Variants in FABP3 observed in about 807,000 individuals in gnomAD.
FABP3 encodes the protein fatty acid binding protein 3.
A neutral mutation model predicts 13.4 loss-of-function variants in FABP3; 8 were observed. The observed-to-expected ratio is 0.60, with a 90% CI of 0.35 to 1.07. The LOEUF (loss-of-function observed/expected upper bound fraction) is 1.07. Among genes scored for constraint, FABP3 ranks in the 50% least tolerant of loss-of-function variants. The pLI is 0.02. For synonymous variants in FABP3, 64 were observed against 60.0 expected, an observed-to-expected ratio of 1.07 and a Z score of -0.31; for missense variants, 135 against 164.7, an observed-to-expected ratio of 0.82 and a Z score of 0.99.
chr1:31,365,700 C>T lies in FABP3; in HGVS notation c.*186G>A. ...TTGACCTCAGAGCACCCTATGAGTG[C>T]AGTTAAAAAAAAAAAAAAAAAACCA... On this transcript the variant is annotated 3_prime_UTR_variant, in exon 4 of 4. Coordinates refer to ENST00000373713, the MANE Select transcript of FABP3 (RefSeq NM_004102.5). The T allele has an allele frequency of 1.9e-6, 1 of 518,224 alleles. No individual in the cohort carries two copies. The highest frequency in any genetic ancestry group is 3.3e-6 in the Non-Finnish European group (1 of 300,182). The allele number at this position is 518,224 out of a possible 1,614,324, so 32.1% of individuals were successfully genotyped here. A position where few individuals can be genotyped will look rare whatever the true frequency, so the allele number is the denominator to read the frequency against.
chr1:31,372,801 T>A, intron 1 of FABP3, 141 bp downstream of exon 1: 2 of 784,312 alleles, frequency 2.6e-6, no homozygotes, highest in Middle Eastern at 2.6e-4. Context: ...AGGCCCCACC[T>A]GCTCTAGGCC....
chr1:31,366,044 T>G, intron 3 of FABP3, 105 bp from the exon 4 acceptor site: 1 of 942,780 alleles, frequency 1.1e-6, no homozygotes, highest in South Asian at 1.4e-5. Context: ...ACCTACTATG[T>G]GCCGGCTATA....
intron 1 of FABP3, 26 bp from the exon 2 acceptor site, chr1:31,369,583 T>G: frequency 6.2e-7 from 1 of 1,612,030 alleles, no homozygotes; most frequent in Non-Finnish European, 8.5e-7. Flanking sequence ...AGGTTATGAG[T>G]ATATGAGCTG....
downstream of FABP3, among the ~76,000 whole-genome samples, chr1:31,363,104 TCTTTTA>T (rs1639981607): frequency 6.6e-6 from 1 of 152,184 alleles, no homozygotes; most frequent in South Asian, 2.1e-4. Flanking sequence ...ATGTCTTGGT[TCTTTTA>T]CTTAACATGT....
Position 31,367,459 on chromosome 1 carries a change from G to T in FABP3, c.282C>A (p.His94Gln). ...IVTLDGGKLV[H>Q]LQKWDGQETT... ...TCTCTTGCCCGTCCCATTTCTGCAG[G>T]TGAACAAGTTTCCCTCCATCCAGTG... Residue 94 changes from histidine to glutamine, a missense_variant, in exon 3 of 4, where the codon CAC becomes CAA. Coordinates refer to ENST00000373713, the MANE Select transcript of FABP3 (RefSeq NM_004102.5). The T allele has an allele frequency of 6.2e-7, 1 of 1,614,208 alleles. No individual in the cohort carries two copies. The highest frequency in any genetic ancestry group is 8.5e-7 in the Non-Finnish European group (1 of 1,180,032).
At chr1:31,372,445 CT>C (rs1181958883) in intron 1 of FABP3, among the ~76,000 whole-genome samples, 1 of 152,172 alleles carries the variant, frequency 6.6e-6, no homozygotes, top group Non-Finnish European at 1.5e-5. Flanking sequence ...AGGTTCCTGT[CT>C]TACGTCCTTC....
rs748434286 is a variant in FABP3 at position 31,365,890 on chromosome 1, G to A, written c.398C>T (p.Ala133Val). 1.1e-5 allele frequency: 17 copies of A among 1,613,948 alleles called. No homozygotes were observed. The highest frequency in any genetic ancestry group is 1.4e-5 in the Non-Finnish European group (17 of 1,179,930). ...AVCTRTYEKE[A>V] ...GTCAGCAACAGTGCAGTCAGGTCAT[G>A]CCTCTTTCTCATAAGTGCGAGTGCA... is the stretch of plus-strand genomic sequence containing the variant. Residue 133 changes from alanine (A) to valine (V), a missense_variant, in exon 4 of 4, where the codon GCA becomes GTA. Physicochemically the swap from Ala to Val is moderately conservative, Grantham distance 64 (BLOSUM62 0). Coordinates refer to ENST00000373713, the MANE Select transcript of FABP3 (RefSeq NM_004102.5).
downstream of FABP3, among the ~76,000 whole-genome samples, chr1:31,362,494 G>A (rs1362980820): frequency 6.6e-6 from 1 of 152,166 alleles, no homozygotes; most frequent in Non-Finnish European, 1.5e-5. Context: ...TCTGCCTCTC[G>A]TCTTTTGTAT....
intron 3 of FABP3, among the ~76,000 whole-genome samples, chr1:31,366,321 AC>A (rs1640112825): frequency 6.6e-6 from 1 of 152,064 alleles, no homozygotes; most frequent in Non-Finnish European, 1.5e-5. Flanking sequence ...ATATCCAGAG[AC>A]TCAGGAAAGG....
At chr1:31,369,842 TCA>T (rs1273903496) in intron 1 of FABP3, among the ~76,000 whole-genome samples, 1 of 152,190 alleles carries the variant, frequency 6.6e-6, no homozygotes, top group East Asian at 1.9e-4. Flanking sequence ...GTGTGGTGGC[TCA>T]CGCCTGTAAT....
At chr1:31,360,165 G>GTGTTTTGTTTTGTTT in the FABP3 span, among the ~76,000 whole-genome samples, 5 of 150,436 alleles carry the variant, frequency 3.3e-5, no homozygotes, top group African/African-American at 9.8e-5. Context: ...TTGTGTGTGC[G>GTGTTTTGTTTTGTTT]TGTTTTGTTT....
rs1261804602 is a variant in FABP3, at chr1:31,367,490, A to G, written c.251T>C (p.Ile84Thr). 8 of 1,613,004 alleles carry G rather than the reference A, an allele frequency of 5.0e-6. No individual in the cohort carries two copies. The highest frequency in any genetic ancestry group is 1.1e-5 in the South Asian group (1 of 91,052). The part of the protein sequence containing the change: ...TTADDRKVKS[I>T]VTLDGGKLVH... ...AAGTTTCCCTCCATCCAGTGTCACA[A>G]TGGACTGTGGAAAGAGGGTAGAGGC... Residue 84 changes from isoleucine (I) to threonine (T), a missense_variant, in exon 3 of 4, where the codon ATT becomes ACT. Physicochemically the swap from Ile to Thr is moderately conservative, Grantham distance 89. Transcript: ENST00000373713.
At chr1:31,370,826 G>A (rs1640195216) in intron 1 of FABP3, among the ~76,000 whole-genome samples, 1 of 152,202 alleles carries the variant, frequency 6.6e-6, no homozygotes, top group Non-Finnish European at 1.5e-5. Flanking sequence ...AGGCAGCCCA[G>A]TGTAGTGAGG....
intron 1 of FABP3, among the ~76,000 whole-genome samples, 190 bp from the exon 2 acceptor site, chr1:31,369,747 A>G (rs574908075): frequency 6.6e-6 from 1 of 152,314 alleles, no homozygotes; most frequent in African/African-American, 2.4e-5. Flanking sequence ...AACTGATCCC[A>G]TTAGATGAGA....
At chr1:31,370,997 G>A (rs1178941202) in intron 1 of FABP3, among the ~76,000 whole-genome samples, 1 of 152,220 alleles carries the variant, frequency 6.6e-6, no homozygotes, top group Non-Finnish European at 1.5e-5. Context: ...GTGTCTTGTC[G>A]AAATTCAAAG....
downstream of FABP3, chr1:31,364,582 T>C (rs190374029): frequency 2.0e-4 from 42 of 205,050 alleles, no homozygotes; most frequent in Admixed American, 1.8e-3. Context: ...GTTAGAGTGA[T>C]TGGACCCTTC....
chr1:31,365,657 G>A lies in FABP3; in HGVS notation c.*229C>T, dbSNP rs1429266451. Reference sequence around the variant, plus strand: ...ACCAAAGGCAAAAAGGCAACTGGGTGGCCTTGGCTCTGCTTTATTGACCTC... The same window carrying A: ...ACCAAAGGCAAAAAGGCAACTGGGTAGCCTTGGCTCTGCTTTATTGACCTC... On this transcript the variant is annotated 3_prime_UTR_variant, in exon 4 of 4. Transcript: ENST00000373713. 4.2e-6 allele frequency: 2 copies of A among 475,432 alleles called. No homozygotes were observed. The highest frequency in any genetic ancestry group is 2.0e-5 in the African/African-American group (1 of 50,758). 29.5% of individuals were successfully genotyped at this position (475,432 alleles called of 1,614,324 possible).
chr1:31,367,534 C>T, intron 2 of FABP3, 40 bp from the exon 3 acceptor site: 2 of 1,565,208 alleles, frequency 1.3e-6, no homozygotes, highest in Non-Finnish European at 1.8e-6. Flanking sequence ...TGATCTTAGT[C>T]AGGAATTGAG....
At chr1:31,361,915 G>A (rs1557464508), downstream of FABP3, among the ~76,000 whole-genome samples, 1 of 152,042 alleles carries the variant, frequency 6.6e-6, no homozygotes. Context: ...GGGCTCAAGC[G>A]ATCCTCCCAC....
Sources: allele counts gnomAD v4.1 joint callset (sites outside exome capture counted in the v4.1 genomes callset), GRCh38; gene constraint gnomAD v4.1.1; transcripts MANE v1.5; gene names NCBI Gene and HGNC (gene_info 2026-07-23, HGNC 2026-07-21).